Variants in ATP8A1 observed in about 807,000 individuals in gnomAD.
ATP8A1 encodes the protein phospholipid-transporting ATPase IA.
Under a neutral mutation model 177.7 loss-of-function variants are expected in ATP8A1, and 90 were observed. That is an observed-to-expected ratio of 0.51 (90% CI 0.43 to 0.60). ATP8A1 has a LOEUF of 0.60. ATP8A1 is among the 20% of genes least tolerant of loss of function. The pLI, the probability that ATP8A1 is intolerant of heterozygous loss-of-function variation, is 0.00. For synonymous variants in ATP8A1, 493 were observed against 485.9 expected (o/e 1.01, Z -0.19); for missense variants, 1,072 against 1,392.8 (o/e 0.77, Z 3.67).
chr4:42,418,435 A>ACAGTGTCC (rs1195840722), intron 35 of ATP8A1, among the ~76,000 whole-genome samples: 1 of 152,216 alleles, frequency 6.6e-6, no homozygotes, highest in Non-Finnish European at 1.5e-5. Flanking sequence ...CAATGAGCCC[A>ACAGTGTCC]CAGTGTCCAT....
In ATP8A1 at chr4:42,411,035, T is replaced by C. The variant is rs1343758472; in HGVS notation, c.*1881A>G. 10 of 152,150 alleles carry C rather than the reference T, an allele frequency of 6.6e-5. No individual in the cohort carries two copies. The highest frequency in any genetic ancestry group is 6.5e-4 in the Admixed American group (10 of 15,268). The allele number at this position is 152,150 out of a possible 1,614,324, so 9.4% of individuals were successfully genotyped here. ...ATTCATTCACTGGACAGGTAAAGACTGGGACTTCAGAATTTTGAAGACGAT... is the reference window on the plus strand; with the variant it reads ...ATTCATTCACTGGACAGGTAAAGACCGGGACTTCAGAATTTTGAAGACGAT... On this transcript the variant is annotated 3_prime_UTR_variant, in exon 37 of 37. Coordinates refer to ENST00000381668, the MANE Select transcript of ATP8A1 (RefSeq NM_006095.2).
chr4:42,557,245 T>TCAA (rs1266378865), intron 15 of ATP8A1, among the ~76,000 whole-genome samples: 1 of 152,156 alleles, frequency 6.6e-6, no homozygotes, highest in East Asian at 1.9e-4. Context: ...AGTGAACACG[T>TCAA]CATCATCATC....
chr4:42,507,246 G>A, intron 22 of ATP8A1, 92 bp from the exon 23 acceptor site: 3 of 1,282,604 alleles, frequency 2.3e-6, no homozygotes, highest in South Asian at 2.8e-5. Flanking sequence ...TAAAATCAGA[G>A]ACTAAATGAT....
At chr4:42,647,683 C>T (rs1329884386) in intron 1 of ATP8A1, among the ~76,000 whole-genome samples, 1 of 151,766 alleles carries the variant, frequency 6.6e-6, no homozygotes, top group African/African-American at 2.4e-5. Flanking sequence ...TCTTTTAGTG[C>T]TGATCTGAGA....
intron 20 of ATP8A1, among the ~76,000 whole-genome samples, chr4:42,527,454 C>T (rs546675278): frequency 6.6e-6 from 1 of 152,302 alleles, no homozygotes; most frequent in Admixed American, 6.5e-5. Context: ...GTAGGGGCAA[C>T]TTCCCCTCTC....
At chr4:42,485,433 T>C (rs1218173430) in intron 25 of ATP8A1, 63 bp downstream of exon 25, 59 of 1,442,134 alleles carry the variant, frequency 4.1e-5, no homozygotes, top group Non-Finnish European at 4.6e-5. Flanking sequence ...TTGACGTTTA[T>C]AAATCAAGAA....
chr4:42,464,976 T>C lies in ATP8A1; in HGVS notation c.2425A>G (p.Ile809Val). ...IGDGANDVSM[I>V]QTAHVGVGIS... ...CCAACACCAACGTGCGCTGTCTGTATCATGCTGACATCATTTGCTCCATCA... is the reference window on the plus strand; with the variant it reads ...CCAACACCAACGTGCGCTGTCTGTACCATGCTGACATCATTTGCTCCATCA... Residue 809 changes from isoleucine to valine, a missense_variant, in exon 26 of 37, where the codon ATA becomes GTA. By Grantham distance (29) the Ile-to-Val change is conservative. Around this residue, in one of 5 missense-constraint regions of ATP8A1, gnomAD observed 316 missense variants for 459.1 expected, o/e 0.69. Transcript: ENST00000381668. The C allele has an allele frequency of 1.2e-6, 2 of 1,614,240 alleles. No individual in the cohort carries two copies. Among genetic ancestry groups the C allele is most frequent in the Non-Finnish European group, 1.7e-6 (2 of 1,180,038 alleles).
rs1433523821 is a variant in ATP8A1, at chr4:42,443,678, G to C, written c.3016-6C>G. The C allele has an allele frequency of 1.5e-6, 2 of 1,365,008 alleles. No homozygotes were observed. The highest frequency in any genetic ancestry group is 2.1e-6 in the Non-Finnish European group (2 of 954,132). 84.6% of individuals were successfully genotyped at this position (1,365,008 alleles called of 1,614,324 possible). A position where few individuals can be genotyped will look rare whatever the true frequency, so the allele number is the denominator to read the frequency against. On this transcript the variant is annotated splice_polypyrimidine_tract_variant and splice_region_variant and intron_variant, in intron 32 of 36. Coordinates refer to ENST00000381668, the MANE Select transcript of ATP8A1 (RefSeq NM_006095.2). ...CATATCGCTATGTGGCTGAACTGTAGAGCAAGGAAATCTGAGTCAAAAAAG... is the reference window on the plus strand; with the variant it reads ...CATATCGCTATGTGGCTGAACTGTACAGCAAGGAAATCTGAGTCAAAAAAG...
At chr4:42,444,061 T>C (rs1183956549) in intron 32 of ATP8A1, among the ~76,000 whole-genome samples, 1 of 152,224 alleles carries the variant, frequency 6.6e-6, no homozygotes, top group African/African-American at 2.4e-5. Flanking sequence ...AAACGCCTTG[T>C]GGCAATCTTT....
intron 25 of ATP8A1, chr4:42,472,255 A>G (rs957933214): frequency 1.8e-6 from 1 of 565,200 alleles, no homozygotes; most frequent in South Asian, 1.4e-5. Flanking sequence ...CAGCCGGCTC[A>G]TAAAGGTTCA....
chr4:42,467,391 A>G (rs1048893030), intron 25 of ATP8A1, among the ~76,000 whole-genome samples: 6 of 152,142 alleles, frequency 3.9e-5, no homozygotes, highest in African/African-American at 1.4e-4. Flanking sequence ...TTCCATTACC[A>G]AGCTTTAAAA....
chr4:42,542,204 G>T (rs10004209), intron 20 of ATP8A1, among the ~76,000 whole-genome samples: 3,145 of 152,106 alleles, frequency 0.021, 100 homozygotes, highest in African/African-American at 0.072. Flanking sequence ...AAGTCTATAT[G>T]AAATATATTA....
chr4:42,575,380 T>C (rs1732340311), intron 13 of ATP8A1, among the ~76,000 whole-genome samples: 1 of 152,244 alleles, frequency 6.6e-6, no homozygotes, highest in Non-Finnish European at 1.5e-5. Context: ...CTTGACTATA[T>C]ACCAAGGGAC....
chr4:42,436,951 C>G lies in ATP8A1; in HGVS notation c.3123+6614G>C, dbSNP rs192896458. On this transcript the variant is annotated intron_variant, in intron 33 of 36. Coordinates refer to ENST00000381668, the MANE Select transcript of ATP8A1 (RefSeq NM_006095.2). ...CTAATGTAGTTTATTAATACCTTTC[C>G]TACAGGGCTGACACCAAAGGGTTCA... 3.0e-3 allele frequency among the ~76,000 whole-genome samples: 450 copies of G among 152,268 alleles called. 4 individuals are homozygous for G. Among genetic ancestry groups the G allele is most frequent in the African/African-American group, 9.9e-3 (413 of 41,528 alleles).
At chr4:42,639,454 A>G (rs1230538447) in intron 1 of ATP8A1, among the ~76,000 whole-genome samples, 1 of 152,216 alleles carries the variant, frequency 6.6e-6, no homozygotes, top group African/African-American at 2.4e-5. Context: ...TCTCAGCTCC[A>G]ACATCTACTT....
At chr4:42,576,044 C>A (rs1052502747) in intron 12 of ATP8A1, among the ~76,000 whole-genome samples, 32 of 152,178 alleles carry the variant, frequency 2.1e-4, no homozygotes, top group African/African-American at 7.2e-4. Context: ...GTGTCCGACA[C>A]AAGGCAGGTA....
intron 23 of ATP8A1, among the ~76,000 whole-genome samples, chr4:42,505,722 T>C (rs528504800): frequency 5.3e-5 from 8 of 152,288 alleles, no homozygotes; most frequent in Admixed American, 4.6e-4. Flanking sequence ...CTAAAATAAA[T>C]GTTAGCTAAA....
chr4:42,579,075 C>T (rs937501722), intron 11 of ATP8A1, among the ~76,000 whole-genome samples: 22 of 151,968 alleles, frequency 1.4e-4, no homozygotes, highest in Non-Finnish European at 1.6e-4. Context: ...TTTGCTTTCA[C>T]ACTTTTGGAA....
chr4:42,569,269 A>G, intron 14 of ATP8A1, 64 bp from the exon 15 acceptor site: 1 of 1,318,644 alleles, frequency 7.6e-7, no homozygotes. Context: ...CTGGAAACAT[A>G]AAACCACGAA....
Sources: gnomAD v4.1 joint callset for allele counts (sites outside exome capture counted in the v4.1 genomes callset) on GRCh38, gnomAD v4.1.1 for gene constraint, gnomAD v4.1.1 regional missense constraint, MANE v1.5 for transcripts, NCBI Gene and HGNC (gene_info 2026-07-23, HGNC 2026-07-21) for gene names.